Variants in FOXP2 observed in about 807,000 individuals in gnomAD.
FOXP2 encodes the protein forkhead box protein P2.
A neutral mutation model predicts 115.8 loss-of-function variants in FOXP2; 12 were observed. That is an observed-to-expected ratio of 0.10 (90% confidence interval 0.07 to 0.17). The LOEUF is 0.17. Ranked by LOEUF, FOXP2 falls within the 10% of genes least tolerant of loss-of-function variation. The pLI is 1.00. For missense variants in FOXP2, 629 were observed against 843.5 expected, an observed-to-expected ratio of 0.75 and a Z score of 3.15; for synonymous variants, 328 against 297.7, an observed-to-expected ratio of 1.10 and a Z score of -1.05.
intron 1 of FOXP2, among the ~76,000 whole-genome samples, chr7:114,249,797 TTTTG>T (rs1044095409): frequency 9.2e-5 from 14 of 152,044 alleles, no homozygotes; most frequent in Non-Finnish European, 2.1e-4. Flanking sequence ...TTTTTTGTTT[TTTTG>T]TTTTTGTTTC....
intron 1 of FOXP2, among the ~76,000 whole-genome samples, chr7:114,146,729 ATTG>A (rs1260853198): frequency 2.6e-5 from 4 of 152,216 alleles, no homozygotes; most frequent in African/African-American, 4.8e-5. Flanking sequence ...GAGGAAAACA[ATTG>A]TTGTTGCCAT....
chr7:114,666,299 T>C (rs1255907245), intron 16 of FOXP2: 1 of 152,102 alleles, frequency 6.6e-6, no homozygotes, highest in Non-Finnish European at 1.5e-5. Context: ...TTACATCAAT[T>C]ATAATCAAAA....
At chr7:114,312,873 C>T (rs534448008) in intron 2 of FOXP2, among the ~76,000 whole-genome samples, 1 of 152,328 alleles carries the variant, frequency 6.6e-6, no homozygotes, top group South Asian at 2.1e-4. Flanking sequence ...GTAAACACAA[C>T]CCTGATAAAT....
intron 16 of FOXP2, among the ~76,000 whole-genome samples, chr7:114,672,603 T>C (rs1422579892): frequency 2.2e-5 from 1 of 45,302 alleles, no homozygotes; most frequent in Non-Finnish European, 4.8e-5. Flanking sequence ...AAATACCTAT[T>C]ACTTTTACTC....
At chr7:114,554,755 T>A (rs1039966775) in intron 3 of FOXP2, among the ~76,000 whole-genome samples, 1 of 152,186 alleles carries the variant, frequency 6.6e-6, no homozygotes, top group Non-Finnish European at 1.5e-5. Flanking sequence ...TGCATTACAT[T>A]TATTTTAATA....
At chr7:114,152,478 A>G (rs977604190) in intron 1 of FOXP2, among the ~76,000 whole-genome samples, 6 of 152,162 alleles carry the variant, frequency 3.9e-5, no homozygotes, top group Admixed American at 2.6e-4. Context: ...TCTCTTTTAC[A>G]TGCTTTAGGT....
chr7:114,583,209 C>T (rs185127548), intron 3 of FOXP2, among the ~76,000 whole-genome samples: 6 of 151,970 alleles, frequency 3.9e-5, no homozygotes, highest in Admixed American at 3.9e-4. Flanking sequence ...TGGTGAAACC[C>T]GCCTCTACTA....
intron 6 of FOXP2, among the ~76,000 whole-genome samples, chr7:114,640,807 C>CA (rs1805483853): frequency 6.6e-6 from 1 of 152,102 alleles, no homozygotes; most frequent in South Asian, 2.1e-4. Flanking sequence ...TAATTAAGAA[C>CA]ATAGATTTTG....
chr7:114,497,036 A>G (rs1208766568), intron 2 of FOXP2, among the ~76,000 whole-genome samples: 1 of 152,200 alleles, frequency 6.6e-6, no homozygotes, highest in African/African-American at 2.4e-5. Flanking sequence ...CTTGGAATCT[A>G]GCAGAACTCA....
chr7:114,644,173 A>C (rs530011674), intron 7 of FOXP2, among the ~76,000 whole-genome samples: 1 of 152,334 alleles, frequency 6.6e-6, no homozygotes, highest in South Asian at 2.1e-4. Context: ...AGATAAAGCT[A>C]ATGAATACTG....
chr7:114,535,885 A>T (rs1190781483), intron 3 of FOXP2, among the ~76,000 whole-genome samples: 1 of 151,498 alleles, frequency 6.6e-6, no homozygotes, highest in Non-Finnish European at 1.5e-5. Flanking sequence ...TGAGTTTAAG[A>T]TTCTTTTCAG....
chr7:114,348,541 A>T (rs565781071), intron 2 of FOXP2, among the ~76,000 whole-genome samples: 54 of 151,740 alleles, frequency 3.6e-4, no homozygotes, highest in Non-Finnish European at 5.6e-4. Flanking sequence ...TTTTTTTTAA[A>T]CTTTCCATTC....
chr7:114,605,008 A>G (rs936453337), intron 3 of FOXP2, among the ~76,000 whole-genome samples: 10 of 152,224 alleles, frequency 6.6e-5, no homozygotes, highest in African/African-American at 2.2e-4. Context: ...CACAAATGAC[A>G]TAATGCCATT....
intron 2 of FOXP2, among the ~76,000 whole-genome samples, chr7:114,359,716 C>T (rs541459174): frequency 1.1e-4 from 16 of 152,294 alleles, no homozygotes; most frequent in Admixed American, 3.9e-4. Context: ...GACTTGCATG[C>T]GGCCTGCAGC....
intron 3 of FOXP2, among the ~76,000 whole-genome samples, chr7:114,623,549 C>A (rs1006900584): frequency 6.6e-6 from 1 of 151,820 alleles, no homozygotes; most frequent in South Asian, 2.1e-4. Context: ...GGCCTTTAAG[C>A]ATATGGTGTA....
intron 16 of FOXP2, among the ~76,000 whole-genome samples, chr7:114,680,512 G>T (rs1001128140): frequency 6.6e-6 from 1 of 152,118 alleles, no homozygotes; most frequent in African/African-American, 2.4e-5. Flanking sequence ...TATGGCAAAG[G>T]TTTGTACTCT....
chr7:114,145,512 G>C (rs944750060), intron 1 of FOXP2, among the ~76,000 whole-genome samples: 1 of 56,724 alleles, frequency 1.8e-5, no homozygotes, highest in Admixed American at 1.7e-4. Context: ...TTTTGAGATG[G>C]AGTTTTGCTT....
chr7:114,462,007 G>A (rs1217785993), intron 2 of FOXP2, among the ~76,000 whole-genome samples: 2 of 151,998 alleles, frequency 1.3e-5, no homozygotes, highest in African/African-American at 4.8e-5. Flanking sequence ...ACCGCCGGGC[G>A]CAGTGGCTGA....
At chr7:114,618,604 A>G (rs1410548834) in intron 3 of FOXP2, among the ~76,000 whole-genome samples, 1 of 152,186 alleles carries the variant, frequency 6.6e-6, no homozygotes, top group Non-Finnish European at 1.5e-5. Flanking sequence ...TATATTTTGT[A>G]CCAGAATATT....
Sources: gnomAD v4.1 joint callset for allele counts (sites outside exome capture counted in the v4.1 genomes callset) on GRCh38, gnomAD v4.1.1 for gene constraint, MANE v1.5 for transcripts, NCBI Gene and HGNC (gene_info 2026-07-23, HGNC 2026-07-21) for gene names.